Variants in PLCH2 observed in about 807,000 individuals in gnomAD.
PLCH2 encodes the protein phospholipase C eta 2, also known as 1-phosphatidylinositol 4,5-bisphosphate phosphodiesterase eta-2.
A neutral mutation model predicts 134.7 loss-of-function variants in PLCH2; 98 were observed. The ratio of observed to expected loss-of-function variants is 0.73; its 90% CI spans 0.62 to 0.86. The LOEUF is 0.86. PLCH2 is among the 40% of genes least tolerant of loss of function. The pLI is 0.00. For missense variants in PLCH2, 1,994 were observed against 1,986.6 expected (o/e 1.00, Z -0.07); for synonymous variants, 974 against 827.5 (o/e 1.18, Z -3.04).
In PLCH2 at chr1:2,480,167, C is replaced by T; in HGVS notation, c.516-16C>T. On this transcript the variant is annotated splice_polypyrimidine_tract_variant and intron_variant, in intron 3 of 21. Transcript: ENST00000378486. ...TGGGCCCATGGATCGCTGTTGGCCCCTAACTCGGCACCAAAGTGGCTGAAG... is the reference window on the plus strand; with the variant it reads ...TGGGCCCATGGATCGCTGTTGGCCCTTAACTCGGCACCAAAGTGGCTGAAG... 1.2e-6 allele frequency: 2 copies of T among 1,612,598 alleles called. No homozygotes were observed. Among genetic ancestry groups the T allele is most frequent in the Non-Finnish European group, 1.7e-6 (2 of 1,179,700 alleles).
intron 2 of PLCH2, among the ~76,000 whole-genome samples, chr1:2,441,424 A>T (rs1485367474): frequency 6.6e-6 from 1 of 152,216 alleles, no homozygotes; most frequent in African/African-American, 2.4e-5. Flanking sequence ...GGGGATGTTC[A>T]TTCACAGCAC....
chr1:2,498,809 C>A lies in PLCH2; in HGVS notation c.2415C>A (p.Thr805=). Residue 805 remains threonine (T), a synonymous_variant, in exon 18 of 22, where the codon ACC becomes ACA. Coordinates refer to ENST00000378486, the MANE Select transcript of PLCH2 (RefSeq NM_014638.4). The surrounding 1 kb of genome is among the most constrained non-coding windows in gnomAD (Gnocchi z 5.4). ...GLPVDCSREQ[T]RVVDDNGFNP... ...CTGTGGACTGCAGCAGGGAGCAGACCCGCGTGGTGGACGACAACGGTGAGG... is the reference window on the plus strand; with the variant it reads ...CTGTGGACTGCAGCAGGGAGCAGACACGCGTGGTGGACGACAACGGTGAGG... 1 of 1,610,420 alleles carries A rather than the reference C, an allele frequency of 6.2e-7. No homozygotes were observed.
At chr1:2,470,585 T>A (rs1289406839) in intron 1 of PLCH2, among the ~76,000 whole-genome samples, 1 of 151,992 alleles carries the variant, frequency 6.6e-6, no homozygotes, top group Non-Finnish European at 1.5e-5. Context: ...TGTGGCGGGC[T>A]CAGCCTCCTG....
intron 11 of PLCH2, among the ~76,000 whole-genome samples, chr1:2,492,895 G>A (rs1642671277): frequency 1.3e-5 from 2 of 152,150 alleles, no homozygotes; most frequent in African/African-American, 4.8e-5. Flanking sequence ...GGTATCTTGG[G>A]GAGAGAAGCC....
At chr1:2,475,401 CACA>C (rs1446258596), upstream of PLCH2, among the ~76,000 whole-genome samples, 1 of 152,246 alleles carries the variant, frequency 6.6e-6, no homozygotes, top group Non-Finnish European at 1.5e-5. Context: ...ATGGCCAGGA[CACA>C]GGTGGCTGGT....
the PLCH2 span, among the ~76,000 whole-genome samples, chr1:2,416,217 A>G: frequency 1.3e-5 from 2 of 152,168 alleles, no homozygotes; most frequent in Non-Finnish European, 2.9e-5. Context: ...CAGGAGCTGG[A>G]CGCAGCAGGT....
intron 21 of PLCH2, chr1:2,503,691 G>A (rs1468514622): frequency 3.1e-6 from 2 of 652,840 alleles, no homozygotes; most frequent in Non-Finnish European, 2.8e-6. Flanking sequence ...GCCCAAGGAG[G>A]GCCCCGTGTG....
At chr1:2,482,941 G>A (rs1479621086) in intron 4 of PLCH2, among the ~76,000 whole-genome samples, 1 of 152,206 alleles carries the variant, frequency 6.6e-6, no homozygotes, top group Admixed American at 6.5e-5. Flanking sequence ...GTGGCCCTTT[G>A]TAGCCTGCTT....
upstream of PLCH2, among the ~76,000 whole-genome samples, chr1:2,473,168 CT>C (rs201900516): frequency 2.0e-4 from 31 of 152,308 alleles, 1 homozygote; most frequent in East Asian, 6.0e-3. Context: ...CGGTTCCAGC[CT>C]TGGGAAGAAA....
chr1:2,489,452 A>G (rs1642448009), intron 9 of PLCH2, 74 bp downstream of exon 9: 1 of 1,489,050 alleles, frequency 6.7e-7, no homozygotes, highest in Non-Finnish European at 9.3e-7. Context: ...TGCTCCAGAC[A>G]GGCAGGGGCA....
At position 2,496,686 on chromosome 1, in the gene PLCH2, C is replaced by T. The variant is rs1642908313; in HGVS notation, c.1915C>T (p.His639Tyr). 1 of 1,611,802 alleles carries T rather than the reference C, an allele frequency of 6.2e-7. No homozygotes were observed. The highest frequency in any genetic ancestry group is 1.1e-5 in the South Asian group (1 of 90,930). ...LVKYTKSVAT[H>Y]DIEMEAASSW... ...GAAGTACACCAAGTCCGTGGCCACCCACGACATAGAGATGGAGGGTGAGTG... is the reference window on the plus strand; with the variant it reads ...GAAGTACACCAAGTCCGTGGCCACCTACGACATAGAGATGGAGGGTGAGTG... The change falls in exon 14 of 22, where the codon CAC becomes TAC. Residue 639 changes from histidine (H) to tyrosine (Y), a missense_variant. His to Tyr is a moderately conservative substitution (Grantham distance 83). Coordinates refer to ENST00000378486, the MANE Select transcript of PLCH2 (RefSeq NM_014638.4).
chr1:2,460,544 A>G (rs753354579), intron 2 of PLCH2, among the ~76,000 whole-genome samples: 1 of 152,352 alleles, frequency 6.6e-6, no homozygotes, highest in South Asian at 2.1e-4. Context: ...CCTGGGAGCC[A>G]AAGGCAGGGG....
chr1:2,484,372 G>C (rs947901461), intron 4 of PLCH2, 76 bp from the exon 5 acceptor site: 2 of 1,414,732 alleles, frequency 1.4e-6, no homozygotes, highest in Admixed American at 1.9e-5. Flanking sequence ...CTGGGGAGTG[G>C]GGTGGTCCTG....
chr1:2,461,629 A>G (rs1430422876), intron 2 of PLCH2, among the ~76,000 whole-genome samples: 1 of 152,146 alleles, frequency 6.6e-6, no homozygotes, highest in Non-Finnish European at 1.5e-5. Flanking sequence ...CTGTGGGGAC[A>G]GTGACGCCCA....
intron 21 of PLCH2, chr1:2,503,372 G>A (rs1323389320): frequency 5.1e-6 from 3 of 585,708 alleles, no homozygotes; most frequent in Admixed American, 6.2e-5. Context: ...GTCTGATGTG[G>A]GCAGGTAGTG....
At chr1:2,418,699 A>G in the PLCH2 span, among the ~76,000 whole-genome samples, 1 of 152,278 alleles carries the variant, frequency 6.6e-6, no homozygotes, top group South Asian at 2.1e-4. Flanking sequence ...TGGACTCCTG[A>G]GCCTGCCCGC....
chr1:2,459,653 TGGTCCTCCTTGCCTGTGGTCTTCCTTTCC>T (rs1201771247), intron 2 of PLCH2, among the ~76,000 whole-genome samples: 4 of 119,708 alleles, frequency 3.3e-5, no homozygotes, highest in East Asian at 2.2e-4. Flanking sequence ...TCCTTTCCGG[TGGTCCTCCTTGCCTGTGGTCTTCCTTTCC>T]GGTGGTCTTC....
intron 16 of PLCH2, 189 bp downstream of exon 16, chr1:2,497,798 T>A: frequency 3.7e-6 from 2 of 539,558 alleles, no homozygotes; most frequent in Non-Finnish European, 3.3e-6. Context: ...GAACCCTCCT[T>A]GCTAGCGTTG....
At chr1:2,495,690 T>G (rs540037615) in intron 13 of PLCH2, 120 bp downstream of exon 13, 1 of 657,398 alleles carries the variant, frequency 1.5e-6, no homozygotes, top group Admixed American at 3.3e-5. Flanking sequence ...TACCCCCTTC[T>G]TGGCCCCTGG....
Sources: gnomAD v4.1 joint callset for allele counts (sites outside exome capture counted in the v4.1 genomes callset) on GRCh38, gnomAD v4.1.1 for gene constraint, Gnocchi (gnomAD v3.1) non-coding constraint, MANE v1.5 for transcripts, NCBI Gene and HGNC (gene_info 2026-07-23, HGNC 2026-07-21) for gene names.